Variants in ZNF486 observed in about 807,000 individuals in gnomAD.
ZNF486 encodes the protein zinc finger protein 486, also known as KRAB box only protein 2.
In ZNF486, 12 loss-of-function variants were observed where a neutral mutation model predicts 12.8. The observed-to-expected ratio is 0.94, with a 90% CI of 0.60 to 1.52. The LOEUF (loss-of-function observed/expected upper bound fraction) is 1.52. Among genes scored for constraint, ZNF486 ranks in the 40% most tolerant of loss-of-function variants. The probability of loss-of-function intolerance (pLI) is 0.00; values close to 1 mark genes in which losing one functional copy is unlikely to be tolerated. For synonymous variants in ZNF486, 231 were observed against 184.9 expected (o/e 1.25, Z -2.02); for missense variants, 738 against 545.0 (o/e 1.35, Z -3.53).
Position 20,198,167 on chromosome 19 carries a change from A to G in ZNF486, c.*65A>G. On this transcript the variant is annotated 3_prime_UTR_variant, in exon 4 of 4. Transcript: ENST00000335117. The stretch of plus-strand genomic sequence containing the variant: ...ATTCTGCTGTTGTTTCCCAGGCTGG[A>G]GTGCAATGGCATAATTTTGGCTCAC... 1 of 1,427,744 alleles carries G rather than the reference A, an allele frequency of 7.0e-7. No homozygotes were observed. The highest frequency in any genetic ancestry group is 9.4e-7 in the Non-Finnish European group (1 of 1,069,074). 88.4% of individuals were successfully genotyped at this position (1,427,744 alleles called of 1,614,324 possible). A position where few individuals can be genotyped will look rare whatever the true frequency, so the allele number is the denominator to read the frequency against.
intron 1 of ZNF486, among the ~76,000 whole-genome samples, chr19:20,183,216 G>A (rs1275720758): frequency 6.6e-6 from 1 of 152,158 alleles, no homozygotes; most frequent in Non-Finnish European, 1.5e-5. Context: ...TGTTGAACAT[G>A]GAAAGATGTG....
rs575908961 is a variant in ZNF486 at position 20,167,220 on chromosome 19, C to G, written c.-111C>G. ...CGGGTTTGGCGCGGCCTTTGTCTCTCGCTGCATCTGGAGCTCTAGGTCGCC... is the reference window on the plus strand; with the variant it reads ...CGGGTTTGGCGCGGCCTTTGTCTCTGGCTGCATCTGGAGCTCTAGGTCGCC... On this transcript the variant is annotated 5_prime_UTR_variant, in exon 1 of 4. Transcript: ENST00000335117. 119 of 1,375,602 alleles carry G rather than the reference C, an allele frequency of 8.7e-5. No individual in the cohort carries two copies. The African/African-American group carries it at 1.2e-3, about 14-fold the overall frequency. The allele number at this position is 1,375,602 out of a possible 1,614,324, so 85.2% of individuals were successfully genotyped here. A position where few individuals can be genotyped will look rare whatever the true frequency, so the allele number is the denominator to read the frequency against.
In ZNF486 at chr19:20,198,120, A is replaced by T. The variant is rs1209536239; in HGVS notation, c.*18A>T. ...GAACGTGACAAAGGATTATTTTATT[A>T]TTATTATTTTTTTGAGAGGTAATTC... On this transcript the variant is annotated 3_prime_UTR_variant, in exon 4 of 4. Coordinates refer to ENST00000335117, the MANE Select transcript of ZNF486 (RefSeq NM_052852.4). 1.6e-5 allele frequency: 25 copies of T among 1,521,072 alleles called. No individual in the cohort carries two copies. The highest frequency in any genetic ancestry group is 2.1e-5 in the Non-Finnish European group (24 of 1,135,842). 94.2% of individuals were successfully genotyped at this position (1,521,072 alleles called of 1,614,324 possible).
chr19:20,198,192 C>T lies in ZNF486; in HGVS notation c.*90C>T. ...AGTGCAATGGCATAATTTTGGCTCACCACAACCTCCACCTTCTGGGTTCAA... is the reference window on the plus strand; with the variant it reads ...AGTGCAATGGCATAATTTTGGCTCATCACAACCTCCACCTTCTGGGTTCAA... On this transcript the variant is annotated 3_prime_UTR_variant, in exon 4 of 4. Transcript: ENST00000335117. 1 of 1,099,634 alleles carries T rather than the reference C, an allele frequency of 9.1e-7. No homozygotes were observed. Among genetic ancestry groups the T allele is most frequent in the South Asian group, 1.7e-5 (1 of 58,692 alleles). 68.1% of individuals were successfully genotyped at this position (1,099,634 alleles called of 1,614,324 possible). A position where few individuals can be genotyped will look rare whatever the true frequency, so the allele number is the denominator to read the frequency against.
At chr19:20,170,017 A>G (rs1376105846) in intron 1 of ZNF486, among the ~76,000 whole-genome samples, 1 of 150,470 alleles carries the variant, frequency 6.6e-6, no homozygotes, top group Non-Finnish European at 1.5e-5. Flanking sequence ...CAGCCTCCCG[A>G]GTAGCTGGGA....
At chr19:20,169,888 G>GTTTTT (rs781968530) in intron 1 of ZNF486, among the ~76,000 whole-genome samples, 25 of 108,908 alleles carry the variant, frequency 2.3e-4, no homozygotes, top group African/African-American at 6.9e-4. Context: ...GGGGTTGTAT[G>GTTTTT]TTTTTTTTTT....
chr19:20,196,341 T>G (rs1447701558), intron 3 of ZNF486, among the ~76,000 whole-genome samples: 2 of 152,194 alleles, frequency 1.3e-5, no homozygotes, highest in African/African-American at 4.8e-5. Flanking sequence ...AAAAAAATTT[T>G]TTTTTGAGAT....
At position 20,197,363 on chromosome 19, in the gene ZNF486, C is replaced by G; in HGVS notation, c.653C>G (p.Ala218Gly). 3 of 1,613,320 alleles carry G rather than the reference C, an allele frequency of 1.9e-6. No homozygotes were observed. Among genetic ancestry groups the G allele is most frequent in the Non-Finnish European group, 2.5e-6 (3 of 1,179,562 alleles). ...TACAAATGTGAAGAATGTGGCAAAGCCTTCAACCGGTCCTCACACCTTACT... is the reference window on the plus strand; with the variant it reads ...TACAAATGTGAAGAATGTGGCAAAGGCTTCAACCGGTCCTCACACCTTACT... ...KPYKCEECGK[A>G]FNRSSHLTTH... The change falls in exon 4 of 4, where the codon GCC becomes GGC. Residue 218 changes from alanine to glycine, a missense_variant. Ala to Gly is a moderately conservative substitution (Grantham distance 60, BLOSUM62 0). Coordinates refer to ENST00000335117, the MANE Select transcript of ZNF486 (RefSeq NM_052852.4).
At chr19:20,192,692 T>G (rs765232313) in intron 3 of ZNF486, among the ~76,000 whole-genome samples, 19 of 152,348 alleles carry the variant, frequency 1.2e-4, no homozygotes, top group South Asian at 2.1e-4. Flanking sequence ...AAAACTCAGA[T>G]GATCCTCTCA....
chr19:20,184,125 A>G (rs1446618196), intron 1 of ZNF486, among the ~76,000 whole-genome samples: 1 of 152,206 alleles, frequency 6.6e-6, no homozygotes, highest in African/African-American at 2.4e-5. Context: ...ATACTTTATT[A>G]TCTAGAAAAA....
intron 1 of ZNF486, among the ~76,000 whole-genome samples, chr19:20,179,650 A>T (rs1277242633): frequency 6.6e-6 from 1 of 152,178 alleles, no homozygotes; most frequent in East Asian, 1.9e-4. Flanking sequence ...TAAAAAAAAA[A>T]GCCAGACTTT....
chr19:20,193,260 A>T (rs550793319), intron 3 of ZNF486, among the ~76,000 whole-genome samples: 2 of 151,336 alleles, frequency 1.3e-5, no homozygotes, highest in East Asian at 3.9e-4. Context: ...CATATTTCTT[A>T]TATTTTATTA....
chr19:20,196,334 A>G (rs1451574424), intron 3 of ZNF486, among the ~76,000 whole-genome samples: 8 of 152,156 alleles, frequency 5.3e-5, no homozygotes, highest in Admixed American at 5.2e-4. Flanking sequence ...ACTTTAAAAA[A>G]AAATTTTTTT....
chr19:20,194,509 C>CTGAGGT (rs1174071139), intron 3 of ZNF486, among the ~76,000 whole-genome samples: 2 of 152,146 alleles, frequency 1.3e-5, no homozygotes, highest in Non-Finnish European at 2.9e-5. Flanking sequence ...GGCAGACCAC[C>CTGAGGT]TGAGGTCAGA....
chr19:20,197,119 A>G lies in ZNF486; in HGVS notation c.409A>G (p.Arg137Gly), dbSNP rs781877475. Residue 137 changes from arginine (R) to glycine (G), a missense_variant, in exon 4 of 4, where the codon AGA becomes GGA. Arg to Gly is a moderately radical substitution (Grantham distance 125). Transcript: ENST00000335117. ...TGTGGATGAGTGTAAGTTACACAAA[A>G]GAGGTTATAATGGACTTAACCAATG... Reference protein sequence around the residue: ...ESVDECKLHKRGYNGLNQCLT... With the variant: ...ESVDECKLHKGGYNGLNQCLT... The G allele has an allele frequency of 3.1e-6, 5 of 1,613,918 alleles. No homozygotes were observed. The East Asian group carries it at 1.1e-4, about 36-fold the overall frequency.
chr19:20,175,337 T>TTTTTTTTTTTTTTTTTTTTTTTTTA (rs2089694308), intron 1 of ZNF486: 2 of 145,768 alleles, frequency 1.4e-5, no homozygotes, highest in Non-Finnish European at 3.0e-5. Flanking sequence ...ATTAATTTTT[T>TTTTTTTTTTTTTTTTTTTTTTTTTA]TTTTTTTTTT....
Position 20,200,250 on chromosome 19 carries a change from G to C in ZNF486, c.*2148G>C, listed in dbSNP as rs1399912397. The C allele has an allele frequency of 6.6e-6, 1 of 151,990 alleles. No homozygotes were observed. 9.4% of individuals were successfully genotyped at this position (151,990 alleles called of 1,614,324 possible). A position where few individuals can be genotyped will look rare whatever the true frequency, so the allele number is the denominator to read the frequency against. On this transcript the variant is annotated 3_prime_UTR_variant, in exon 4 of 4. Coordinates refer to ENST00000335117, the MANE Select transcript of ZNF486 (RefSeq NM_052852.4). ...TATTAGAGATAGTTTTTTATTAATT[G>C]GGCATTTATGACCTTTTCTATAAAA...
At chr19:20,181,504 A>G (rs528054731) in intron 1 of ZNF486, among the ~76,000 whole-genome samples, 1 of 149,574 alleles carries the variant, frequency 6.7e-6, no homozygotes, top group Admixed American at 6.8e-5. Context: ...GCGCCACTGC[A>G]CTCCAGCCTG....
chr19:20,167,759 G>A (rs1555713230), intron 1 of ZNF486, among the ~76,000 whole-genome samples: 1 of 152,154 alleles, frequency 6.6e-6, no homozygotes, highest in Non-Finnish European at 1.5e-5. Context: ...AAAAATTTAT[G>A]GGGCCGGGCG....
Sources: allele counts gnomAD v4.1 joint callset (sites outside exome capture counted in the v4.1 genomes callset), GRCh38; gene constraint gnomAD v4.1.1; transcripts MANE v1.5; gene names NCBI Gene and HGNC (gene_info 2026-07-23, HGNC 2026-07-21).